NUCB1: variants seen among roughly 807,000 people sequenced by gnomAD.
NUCB1 encodes nucleobindin-1.
Under a neutral mutation model 61.2 loss-of-function variants are expected in NUCB1, and 47 were observed. The observed-to-expected ratio is 0.77, with a 90% CI of 0.61 to 0.98. NUCB1 has a LOEUF of 0.98. NUCB1 is among the 50% of genes least tolerant of loss of function. The pLI is 0.00. For synonymous variants in NUCB1, 234 were observed against 243.1 expected (o/e 0.96, Z 0.35); for missense variants, 583 against 605.3 (o/e 0.96, Z 0.39).
At chr19:48,908,182 G>A (rs2037432198) in intron 4 of NUCB1, among the ~76,000 whole-genome samples, 1 of 152,094 alleles carries the variant, frequency 6.6e-6, no homozygotes, top group African/African-American at 2.4e-5. Flanking sequence ...CCAGGCTGGA[G>A]TGCAGTGGCG....
In NUCB1 at chr19:48,908,648, CGTGTGTGT is replaced by C. The variant is rs58211997; in HGVS notation, c.377-2458_377-2451del. 4.4e-3 allele frequency among the ~76,000 whole-genome samples: 378 copies of C among 86,550 alleles called. 3 individuals carry two copies. Among genetic ancestry groups the C allele is most frequent in the African/African-American group, 0.014 (257 of 18,588 alleles). 56.8% of individuals were successfully genotyped at this position (86,550 alleles called of 152,430 possible). On this transcript the variant is annotated intron_variant, in intron 4 of 12. Transcript: ENST00000405315. ...CTAGGTCTCCCAAATTCTAGCTGCC[CGTGTGTGT>C]GTGTGTGTGTGTGTGTGTGTGTGTG...
intron 7 of NUCB1, among the ~76,000 whole-genome samples, chr19:48,914,204 A>G (rs924887112): frequency 2.6e-5 from 4 of 151,844 alleles, no homozygotes; most frequent in African/African-American, 9.7e-5. Context: ...TCGAACTCCC[A>G]ACCTCGTGTG....
intron 10 of NUCB1, 97 bp downstream of exon 10, chr19:48,919,383 T>C: frequency 1.2e-6 from 1 of 854,496 alleles, no homozygotes; most frequent in South Asian, 1.7e-5. Flanking sequence ...TCTCTCTGGG[T>C]CCCCGTCCAT....
chr19:48,910,998 C>T (rs1367720742), intron 4 of NUCB1, 151 bp from the exon 5 acceptor site: 2 of 600,904 alleles, frequency 3.3e-6, no homozygotes, highest in South Asian at 1.9e-5. Context: ...GGGATCACCT[C>T]CTCCAGGAAG....
At chr19:48,918,993 C>T in intron 8 of NUCB1, 37 bp from the exon 9 acceptor site, 1 of 1,587,402 alleles carries the variant, frequency 6.3e-7, no homozygotes, top group East Asian at 2.2e-5. Context: ...TCGCTGGGGA[C>T]CTCTCAATGC....
In NUCB1 at chr19:48,919,256, G is replaced by A. The variant is rs373524238; in HGVS notation, c.972G>A (p.Lys324=). The change falls in exon 10 of 13, where the codon AAG becomes AAA. Residue 324 remains lysine, a synonymous_variant. Coordinates refer to ENST00000405315, the MANE Select transcript of NUCB1 (RefSeq NM_006184.6). The stretch of plus-strand genomic sequence containing the variant: ...AGTTCCTCGCATCCACTCAGAGGAA[G>A]GAGTTTGGGGACACCGGGGAGGGCT... ...LEEFLASTQR[K]EFGDTGEGWE... 7.3e-5 allele frequency: 118 copies of A among 1,613,772 alleles called. No individual in the cohort carries two copies. Among genetic ancestry groups the A allele is most frequent in the Non-Finnish European group, 9.2e-5 (108 of 1,179,882 alleles).
chr19:48,919,350 C>T, intron 10 of NUCB1, 64 bp downstream of exon 10: 1 of 1,294,996 alleles, frequency 7.7e-7, no homozygotes, highest in African/African-American at 1.5e-5. Context: ...ACCTTTCTTT[C>T]AGAATCTTAG....
In NUCB1 at chr19:48,921,709, G is replaced by A. The variant is rs1195931180; in HGVS notation, c.1174-118G>A. 1.9e-5 allele frequency: 17 copies of A among 886,392 alleles called. No homozygotes were observed. In the East Asian group the frequency reaches 3.6e-4, roughly 19 times the overall value. The allele number at this position is 886,392 out of a possible 1,614,324, so 54.9% of individuals were successfully genotyped here. A position where few individuals can be genotyped will look rare whatever the true frequency, so the allele number is the denominator to read the frequency against. ...AGAGAAACTGAGGCCCACGGAGAAGGGGTTGGCCGTGACCACTTAGCAGGC... is the reference window on the plus strand; with the variant it reads ...AGAGAAACTGAGGCCCACGGAGAAGAGGTTGGCCGTGACCACTTAGCAGGC... On this transcript the variant is annotated intron_variant, in intron 11 of 12. Coordinates refer to ENST00000405315, the MANE Select transcript of NUCB1 (RefSeq NM_006184.6).
intron 3 of NUCB1, 42 bp downstream of exon 3, chr19:48,904,496 G>A (rs1253126600): frequency 2.3e-6 from 3 of 1,302,440 alleles, no homozygotes; most frequent in Non-Finnish European, 2.2e-6. Flanking sequence ...GGTACGTGCT[G>A]GGAGGGCAGA....
chr19:48,915,249 C>T (rs1193947246), intron 7 of NUCB1, among the ~76,000 whole-genome samples: 3 of 151,920 alleles, frequency 2.0e-5, no homozygotes, highest in Non-Finnish European at 2.9e-5. Context: ...GAGGCCTAGG[C>T]GGGTGGGTCC....
At chr19:48,902,283 G>C (rs1175649464) in intron 2 of NUCB1, among the ~76,000 whole-genome samples, 1 of 151,646 alleles carries the variant, frequency 6.6e-6, no homozygotes, top group Non-Finnish European at 1.5e-5. Flanking sequence ...TCTAATTTTT[G>C]TATTTTTAGT....
chr19:48,913,700 G>A, intron 7 of NUCB1, 136 bp downstream of exon 7: 1 of 681,500 alleles, frequency 1.5e-6, no homozygotes, highest in Non-Finnish European at 2.6e-6. Flanking sequence ...TCCCCTGGTT[G>A]ACCAGACAGC....
intron 5 of NUCB1, among the ~76,000 whole-genome samples, chr19:48,912,736 C>T (rs1008600845): frequency 7.3e-5 from 11 of 150,294 alleles, no homozygotes; most frequent in East Asian, 5.8e-4. Flanking sequence ...CTCGAAAGGC[C>T]GAGGCAGGAG....
intron 12 of NUCB1, 138 bp downstream of exon 12, chr19:48,922,070 C>T (rs2037616075): frequency 2.7e-6 from 2 of 752,518 alleles, no homozygotes; most frequent in Non-Finnish European, 2.1e-6. Flanking sequence ...GGAAGAGGGA[C>T]TGGGGGTCCG....
chr19:48,913,399 G>A (rs916377756), intron 6 of NUCB1, 75 bp from the exon 7 acceptor site: 14 of 1,359,730 alleles, frequency 1.0e-5, no homozygotes, highest in South Asian at 7.0e-5. Flanking sequence ...GTTGGATGAG[G>A]GTAAAGGGAT....
At position 48,913,474 on chromosome 19, in the gene NUCB1, G is replaced by A. The variant is rs1212125614; in HGVS notation, c.667G>A (p.Gly223Ser). The A allele has an allele frequency of 8.1e-6, 13 of 1,614,080 alleles. No individual in the cohort carries two copies. Among genetic ancestry groups the A allele is most frequent in the Non-Finnish European group, 1.0e-5 (12 of 1,179,934 alleles). Residue 223 changes from glycine to serine, a missense_variant and splice_region_variant, in exon 7 of 13, where the codon GGC becomes AGC. Gly to Ser is a moderately conservative substitution (Grantham distance 56). Coordinates refer to ENST00000405315, the MANE Select transcript of NUCB1 (RefSeq NM_006184.6). ...GAGCTCCTGGCTCTCCCCTCCACAG[G>A]GCAGCCAAGCCCAGTTGAAGGAGGT... ...HREHPKVNVP[G>S]SQAQLKEVWE...
Position 48,913,540 on chromosome 19 carries a change from C to T in NUCB1, c.733C>T (p.Pro245Ser). Residue 245 changes from proline to serine, a missense_variant, in exon 7 of 13, where the codon CCC becomes TCC. Pro to Ser is a moderately conservative substitution (Grantham distance 74). Transcript: ENST00000405315. ...LDGLDPNRFN[P>S]KTFFILHDIN... ...TGGACTGGACCCCAACAGGTTTAAC[C>T]CCAAGACCTTCTTCATACTGCATGG... 1.9e-6 allele frequency: 3 copies of T among 1,614,098 alleles called. No individual in the cohort carries two copies. The highest frequency in any genetic ancestry group is 1.7e-6 in the Non-Finnish European group (2 of 1,179,966).
rs535699553 is a variant in NUCB1, at chr19:48,901,519, T to A, written c.135+588T>A. Among the ~76,000 whole-genome samples, 75 of 152,300 alleles carry A rather than the reference T, an allele frequency of 4.9e-4. No individual in the cohort carries two copies. The South Asian group carries it at 0.015, about 30-fold the overall frequency. The stretch of plus-strand genomic sequence containing the variant: ...TGGCTCATGCCTGTAATCCTAGCAC[T>A]TTGGGAGGCCGAGACAGGCGGATCA... On this transcript the variant is annotated intron_variant, in intron 2 of 12. Coordinates refer to ENST00000405315, the MANE Select transcript of NUCB1 (RefSeq NM_006184.6).
At position 48,902,937 on chromosome 19, in the gene NUCB1, G is replaced by GTATATATA. The variant is rs111291447; in HGVS notation, c.136-1400_136-1393dup. 3.6e-3 allele frequency among the ~76,000 whole-genome samples: 528 copies of GTATATATA among 147,002 alleles called. 5 individuals are homozygous for GTATATATA. Among genetic ancestry groups the GTATATATA allele is most frequent in the East Asian group, 0.033 (165 of 4,996 alleles). On this transcript the variant is annotated intron_variant, in intron 2 of 12. Coordinates refer to ENST00000405315, the MANE Select transcript of NUCB1 (RefSeq NM_006184.6). ...GAGACTAGGTAAAGAGGTAAAGAAT[G>GTATATATA]TATATATATATATATATGTTTAATA... is the stretch of plus-strand genomic sequence containing the variant.
Sources: gnomAD v4.1 joint callset for allele counts (sites outside exome capture counted in the v4.1 genomes callset) on GRCh38, gnomAD v4.1.1 for gene constraint, MANE v1.5 for transcripts, NCBI Gene and HGNC (gene_info 2026-07-23, HGNC 2026-07-21) for gene names.